The following INPP4A variants were observed in gnomAD, a reference collection of about 807,000 sequenced individuals.
INPP4A encodes the protein inositol polyphosphate-4-phosphatase, type I, 107kD.
INPP4A carries 33 observed loss-of-function variants against 119.8 expected under a neutral mutation model. The observed-to-expected ratio is 0.28, with a 90% CI of 0.21 to 0.37. The LOEUF is 0.37. INPP4A is among the 10% of genes least tolerant of loss of function. The pLI, the probability that INPP4A is intolerant of heterozygous loss-of-function variation, is 1.00. For synonymous variants in INPP4A, 496 were observed against 500.7 expected, an observed-to-expected ratio of 0.99 and a Z score of 0.12; for missense variants, 956 against 1,289.9, an observed-to-expected ratio of 0.74 and a Z score of 3.97.
chr2:98,447,395 T>G (rs1337015552), intron 1 of INPP4A, among the ~76,000 whole-genome samples: 2 of 152,166 alleles, frequency 1.3e-5, no homozygotes, highest in Non-Finnish European at 1.5e-5. Context: ...AAACAGAAGT[T>G]CTGTGAGGAA....
chr2:98,487,152 G>A (rs1307785140), intron 1 of INPP4A, among the ~76,000 whole-genome samples: 2 of 152,184 alleles, frequency 1.3e-5, no homozygotes, highest in Non-Finnish European at 2.9e-5. Flanking sequence ...TAATCACCAT[G>A]GTACATTGTA....
In INPP4A at chr2:98,476,526, G is replaced by A. The variant is rs570509261; in HGVS notation, c.-166+31441G>A. Among the ~76,000 whole-genome samples, 12 of 152,292 alleles carry A rather than the reference G, an allele frequency of 7.9e-5. No individual in the cohort carries two copies. The East Asian group carries it at 2.3e-3, about 29-fold the overall frequency. On this transcript the variant is annotated intron_variant, in intron 1 of 24. Transcript: ENST00000409851. ...TCTGGTCTCCAGCCACAGTCAGGGA[G>A]GCTCTCAGCTGGGGTGCTGGGACCC...
At chr2:98,495,489 G>T (rs1323294694) in intron 1 of INPP4A, among the ~76,000 whole-genome samples, 3 of 152,204 alleles carry the variant, frequency 2.0e-5, no homozygotes, top group African/African-American at 7.2e-5. Flanking sequence ...TGAGTGACCA[G>T]CCCCAGGAGA....
At chr2:98,559,636 A>T in intron 17 of INPP4A, 141 bp downstream of exon 17, 1 of 902,344 alleles carries the variant, frequency 1.1e-6, no homozygotes, top group Non-Finnish European at 1.7e-6. Flanking sequence ...TGTGAGGCAT[A>T]AAACACTTTT....
intron 16 of INPP4A, among the ~76,000 whole-genome samples, chr2:98,557,566 C>T (rs1302985499): frequency 6.6e-6 from 1 of 152,220 alleles, no homozygotes; most frequent in East Asian, 1.9e-4. Context: ...GGTATGTTCA[C>T]ACCAACATAT....
rs549265516 is a variant in INPP4A, at chr2:98,588,374, C to T, written c.*766C>T. The T allele has an allele frequency of 1.8e-4, 36 of 199,012 alleles. No individual in the cohort carries two copies. The highest frequency in any genetic ancestry group is 5.0e-4 in the African/African-American group (22 of 43,566). 12.3% of individuals were successfully genotyped at this position (199,012 alleles called of 1,614,324 possible). ...GAAGCTCCCTGCCGAGGCTCCCTCA[C>T]GCCCAGAGGACACATCTCCCCTTCT... On this transcript the variant is annotated 3_prime_UTR_variant, in exon 25 of 25. Transcript: ENST00000409851.
chr2:98,488,836 G>A (rs1680089624), intron 1 of INPP4A, among the ~76,000 whole-genome samples: 1 of 152,064 alleles, frequency 6.6e-6, no homozygotes, highest in Non-Finnish European at 1.5e-5. Flanking sequence ...TGGAGGGGGT[G>A]GAGTAGGGAG....
Position 98,539,653 on chromosome 2 carries a change from C to G in INPP4A, c.796C>G (p.Leu266Val). The change falls in exon 10 of 25, where the codon CTA (leucine) becomes GTA (valine). Residue 266 changes from leucine to valine, a missense_variant. Leu to Val is a conservative substitution (Grantham distance 32, BLOSUM62 1). This residue lies in a region of INPP4A where 652 missense variants were observed against 797.9 expected (regional missense o/e 0.82). Coordinates refer to ENST00000409851, the MANE Select transcript of INPP4A (RefSeq NM_001134225.2). ...LHVPRQFVKLLLEEDAARVCE... is the reference protein window; with the variant it reads ...LHVPRQFVKLVLEEDAARVCE... ...CGTGCCCCGGCAGTTCGTGAAGCTC[C>G]TACTAGAGGAAGATGCAGCCAGGTG... is the stretch of plus-strand genomic sequence containing the variant. 1 of 1,609,420 alleles carries G rather than the reference C, an allele frequency of 6.2e-7. No homozygotes were observed. The highest frequency in any genetic ancestry group is 8.5e-7 in the Non-Finnish European group (1 of 1,177,964).
At chr2:98,505,452 T>C (rs954613055) in intron 1 of INPP4A, among the ~76,000 whole-genome samples, 1 of 152,222 alleles carries the variant, frequency 6.6e-6, no homozygotes, top group Non-Finnish European at 1.5e-5. Flanking sequence ...TTGTTGAACC[T>C]GAAAGAGAGG....
At chr2:98,556,815 G>A (rs115053021) in intron 16 of INPP4A, among the ~76,000 whole-genome samples, 1,886 of 152,266 alleles carry the variant, frequency 0.012, 17 homozygotes, top group Middle Eastern at 0.027. Flanking sequence ...TGTTTCCAGG[G>A]CACTGTCTCA....
At chr2:98,446,849 GT>G (rs201741209) in intron 1 of INPP4A, among the ~76,000 whole-genome samples, 323 of 151,976 alleles carry the variant, frequency 2.1e-3, no homozygotes, top group Non-Finnish European at 3.6e-3. Context: ...GAATATTAGC[GT>G]TTTTTAAAAA....
At position 98,546,394 on chromosome 2, in the gene INPP4A, C is replaced by T. The variant is rs1692490510; in HGVS notation, c.1055-192C>T. On this transcript the variant is annotated intron_variant, in intron 12 of 24. Coordinates refer to ENST00000409851, the MANE Select transcript of INPP4A (RefSeq NM_001134225.2). The surrounding 1 kb of genome is among the most constrained non-coding windows in gnomAD (Gnocchi z 4.2). ...GGCTCCACTTGAAATGTTTTAAACC[C>T]CTTGTTGCTGAGGTGATGGCACTGG... Among the ~76,000 whole-genome samples the T allele has an allele frequency of 6.6e-6, 1 of 152,204 alleles. No individual in the cohort carries two copies. The highest frequency in any genetic ancestry group is 1.5e-5 in the Non-Finnish European group (1 of 68,044).
At chr2:98,465,247 T>C (rs1674497195) in intron 1 of INPP4A, among the ~76,000 whole-genome samples, 1 of 152,200 alleles carries the variant, frequency 6.6e-6, no homozygotes, top group African/African-American at 2.4e-5. Context: ...ATCCATTCTG[T>C]GGCTGCTGGC....
intron 4 of INPP4A, among the ~76,000 whole-genome samples, chr2:98,532,428 A>G (rs1446473726): frequency 1.3e-5 from 2 of 152,120 alleles, no homozygotes; most frequent in African/African-American, 2.4e-5. Flanking sequence ...ATGTACATAA[A>G]ATTTATTATT....
chr2:98,545,110 C>G (rs1692237056), intron 11 of INPP4A, among the ~76,000 whole-genome samples: 1 of 152,188 alleles, frequency 6.6e-6, no homozygotes, highest in Non-Finnish European at 1.5e-5. Flanking sequence ...ATGGTGCGGT[C>G]TGTGGACTGC....
At chr2:98,565,526 C>A in intron 19 of INPP4A, 114 bp from the exon 20 acceptor site, 1 of 1,167,780 alleles carries the variant, frequency 8.6e-7, no homozygotes, top group Non-Finnish European at 1.2e-6. Flanking sequence ...TCCACCAGAG[C>A]CACACCTGCA....
chr2:98,564,576 G>C, intron 18 of INPP4A, 64 bp from the exon 19 acceptor site: 4 of 1,602,394 alleles, frequency 2.5e-6, no homozygotes, highest in Non-Finnish European at 3.4e-6. Flanking sequence ...GGCTGGGCAT[G>C]ATCTGACTGC....
chr2:98,575,706 T>C (rs2106473255), intron 23 of INPP4A, among the ~76,000 whole-genome samples: 1 of 152,310 alleles, frequency 6.6e-6, no homozygotes, highest in African/African-American at 2.4e-5. Context: ...CTCTTTGGCT[T>C]TGCTGGCCTG....
rs148763992 is a variant in INPP4A at position 98,502,823 on chromosome 2, G to C, written c.-165-16141G>C. ...TAGCTCAAAGGCAAAAGATGGCCCT[G>C]CTCTAAGGGTTTTATTAATAGACCT... On this transcript the variant is annotated intron_variant, in intron 1 of 24. Transcript: ENST00000409851. 1.1e-4 allele frequency among the ~76,000 whole-genome samples: 17 copies of C among 152,280 alleles called. No individual in the cohort carries two copies. In the East Asian group the frequency reaches 2.7e-3, roughly 24 times the overall value.
Sources: gnomAD v4.1 joint callset for allele counts (sites outside exome capture counted in the v4.1 genomes callset) on GRCh38, gnomAD v4.1.1 for gene constraint, gnomAD v4.1.1 regional missense constraint, Gnocchi (gnomAD v3.1) non-coding constraint, MANE v1.5 for transcripts, NCBI Gene and HGNC (gene_info 2026-07-23, HGNC 2026-07-21) for gene names.